The following TUT7 variants were observed in gnomAD, a reference collection of about 807,000 sequenced individuals.
TUT7 encodes terminal uridylyltransferase 7.
In TUT7, 33 loss-of-function variants were observed where a neutral mutation model predicts 165.9. That is an observed-to-expected ratio of 0.20 (90% CI 0.15 to 0.27). The LOEUF (loss-of-function observed/expected upper bound fraction) is 0.27. Among genes scored for constraint, TUT7 ranks in the 10% least tolerant of loss-of-function variants. The pLI is 1.00. For missense variants in TUT7, 1,338 were observed against 1,762.3 expected (o/e 0.76, Z 4.31); for synonymous variants, 552 against 608.1 (o/e 0.91, Z 1.36).
intron 3 of TUT7, 66 bp downstream of exon 3, chr9:86,346,232 CA>C: frequency 6.7e-7 from 1 of 1,490,528 alleles, no homozygotes; most frequent in Middle Eastern, 1.9e-4. Flanking sequence ...CATGCATACT[CA>C]ATTAACAACA....
chr9:86,325,953 A>G (rs1367995387), intron 11 of TUT7, among the ~76,000 whole-genome samples: 12 of 152,230 alleles, frequency 7.9e-5, no homozygotes, highest in African/African-American at 1.2e-4. Context: ...CACTCCTCTC[A>G]CTGCCCTGAG....
rs1827067557 is a variant in TUT7 at position 86,302,795 on chromosome 9, G to A, written c.4094+291C>T. The stretch of plus-strand genomic sequence containing the variant: ...CCATGCTTGGCTAATTTTTAGTAGA[G>A]ATGAGGTTTCACCATGTGGGTCAGG... On this transcript the variant is annotated intron_variant, in intron 25 of 26. Transcript: ENST00000375963. Among the ~76,000 whole-genome samples, 4 of 149,746 alleles carry A rather than the reference G, an allele frequency of 2.7e-5. 1 individual carries two copies. The highest frequency in any genetic ancestry group is 9.9e-5 in the African/African-American group (4 of 40,562).
intron 17 of TUT7, among the ~76,000 whole-genome samples, 163 bp from the exon 18 acceptor site, chr9:86,310,972 AAG>A (rs1229904892): frequency 2.8e-4 from 42 of 152,230 alleles, no homozygotes; most frequent in African/African-American, 1.0e-3. Context: ...AACATCTGGG[AAG>A]ATTAGTCTGG....
intron 24 of TUT7, among the ~76,000 whole-genome samples, chr9:86,304,654 C>G (rs1431527213): frequency 6.6e-6 from 1 of 151,982 alleles, no homozygotes; most frequent in South Asian, 2.1e-4. Context: ...AATCCAACTT[C>G]TTACTATTTC....
chr9:86,316,714 G>A (rs539569117), intron 17 of TUT7, among the ~76,000 whole-genome samples: 3 of 151,792 alleles, frequency 2.0e-5, no homozygotes, highest in Non-Finnish European at 4.4e-5. Context: ...TCATACTTAC[G>A]CATACAAGAT....
chr9:86,326,324 C>T (rs1829795876), intron 11 of TUT7: 1 of 154,544 alleles, frequency 6.5e-6, no homozygotes, highest in African/African-American at 2.4e-5. Flanking sequence ...TATAATCTGT[C>T]TAAGTCTGGG....
intron 10 of TUT7, among the ~76,000 whole-genome samples, chr9:86,331,540 G>A (rs1164823271): frequency 6.6e-6 from 1 of 151,996 alleles, no homozygotes; most frequent in Non-Finnish European, 1.5e-5. Flanking sequence ...AAACATTTAC[G>A]ATTGTTTTGT....
intron 6 of TUT7, 55 bp from the exon 7 acceptor site, chr9:86,341,108 T>A: frequency 6.8e-7 from 1 of 1,478,470 alleles, no homozygotes; most frequent in African/African-American, 1.4e-5. Context: ...TTTGCTTCAC[T>A]GATATAAGAG....
chr9:86,337,880 G>A (rs1830957763), intron 9 of TUT7, among the ~76,000 whole-genome samples: 1 of 152,130 alleles, frequency 6.6e-6, no homozygotes, highest in African/African-American at 2.4e-5. Context: ...CGATTGTTCA[G>A]TTACACATTA....
At chr9:86,350,127 C>T (rs372347548) in intron 2 of TUT7, among the ~76,000 whole-genome samples, 4 of 152,164 alleles carry the variant, frequency 2.6e-5, no homozygotes, top group Admixed American at 6.5e-5. Flanking sequence ...GTCAGGGTAT[C>T]GAGACTACCC....
At chr9:86,298,440 G>A (rs1230944360) in intron 26 of TUT7, among the ~76,000 whole-genome samples, 2 of 152,200 alleles carry the variant, frequency 1.3e-5, no homozygotes, top group African/African-American at 4.8e-5. Context: ...ATACTCTCCA[G>A]GAGGAGAAAA....
chr9:86,305,336 T>C, intron 22 of TUT7, 97 bp from the exon 23 acceptor site: 1 of 813,050 alleles, frequency 1.2e-6, no homozygotes, highest in Non-Finnish European at 1.9e-6. Flanking sequence ...AAGAATATCA[T>C]CTACTTTGCT....
At position 86,352,815 on chromosome 9, in the gene TUT7, T is replaced by C; in HGVS notation, c.385A>G (p.Arg129Gly). The C allele has an allele frequency of 1.2e-6, 2 of 1,614,210 alleles. No homozygotes were observed. Among genetic ancestry groups the C allele is most frequent in the Non-Finnish European group, 1.7e-6 (2 of 1,180,026 alleles). ...TCATTTTCTTGAAAGGAGTCTTTTC[T>C]TTGTCGGTTTATAACAGGAATTCTA... ...GPRIPVINRQRKDSFQENEDG... is the reference protein window; with the variant it reads ...GPRIPVINRQGKDSFQENEDG... Residue 129 changes from arginine to glycine, a missense_variant, in exon 2 of 27, where the codon AGA (arginine) becomes GGA (glycine). Arg to Gly is a moderately radical substitution (Grantham distance 125, BLOSUM62 -2). This residue lies in a region of TUT7 where 434 missense variants were observed against 480.8 expected (regional missense o/e 0.90). Transcript: ENST00000375963.
chr9:86,328,369 G>C lies in TUT7; in HGVS notation c.1579C>G (p.Pro527Ala), dbSNP rs780663287. 6.2e-7 allele frequency: 1 copy of C among 1,604,556 alleles called. No homozygotes were observed. The highest frequency in any genetic ancestry group is 8.5e-7 in the Non-Finnish European group (1 of 1,175,860). The change falls in exon 11 of 27, where the codon CCA (proline) becomes GCA (alanine). Residue 527 changes from proline to alanine, a missense_variant. Physicochemically the swap from Pro to Ala is conservative, Grantham distance 27. Transcript: ENST00000375963. ...GDTGITKEEAPRETPIKRGQV... is the reference protein window; with the variant it reads ...GDTGITKEEAARETPIKRGQV... ...CCCCTTTTAATCGGCGTTTCTCTTGGTGCCTCTTCTTTTGTTATGCCTGTG... is the reference window on the plus strand; with the variant it reads ...CCCCTTTTAATCGGCGTTTCTCTTGCTGCCTCTTCTTTTGTTATGCCTGTG...
At chr9:86,344,094 ATATG>A (rs1831550301) in intron 5 of TUT7, among the ~76,000 whole-genome samples, 1 of 152,232 alleles carries the variant, frequency 6.6e-6, no homozygotes, top group Non-Finnish European at 1.5e-5. Context: ...TACAAATACT[ATATG>A]TATGATCTTT....
At chr9:86,307,899 CAGG>C (rs1827659734) in intron 22 of TUT7, among the ~76,000 whole-genome samples, 1 of 152,046 alleles carries the variant, frequency 6.6e-6, no homozygotes, top group Non-Finnish European at 1.5e-5. Flanking sequence ...GTGGCTGAGG[CAGG>C]AGAATTGCTT....
chr9:86,345,541 C>T (rs1354608162), intron 4 of TUT7, 128 bp downstream of exon 4: 1 of 712,112 alleles, frequency 1.4e-6, no homozygotes, highest in East Asian at 2.6e-5. Flanking sequence ...TATTTTGGCT[C>T]AAATATATTC....
At chr9:86,322,059 G>C (rs1587934409) in intron 14 of TUT7, among the ~76,000 whole-genome samples, 1 of 152,004 alleles carries the variant, frequency 6.6e-6, no homozygotes, top group Non-Finnish European at 1.5e-5. Context: ...CTGGGTGACA[G>C]AATGAGATCC....
At position 86,345,674 on chromosome 9, in the gene TUT7, T is replaced by G; in HGVS notation, c.814A>C (p.Ile272Leu). 1 of 1,606,986 alleles carries G rather than the reference T, an allele frequency of 6.2e-7. No individual in the cohort carries two copies. Among genetic ancestry groups the G allele is most frequent in the Non-Finnish European group, 8.5e-7 (1 of 1,174,232 alleles). The stretch of plus-strand genomic sequence containing the variant: ...TTGGGTTACATTCAATTTACCTTAA[T>G]GTTTTTCTTGTGCCTCTTTTCCTTG... ...HIKEKRHKKNIKEKQEEELLT... is the reference protein window; with the variant it reads ...HIKEKRHKKNLKEKQEEELLT... The change falls in exon 4 of 27, where the codon ATT (isoleucine) becomes CTT (leucine). Residue 272 changes from isoleucine to leucine, a missense_variant. Ile to Leu is a conservative substitution (Grantham distance 5). Transcript: ENST00000375963.
Sources: allele counts gnomAD v4.1 joint callset (sites outside exome capture counted in the v4.1 genomes callset), GRCh38; gene constraint gnomAD v4.1.1; regional missense constraint gnomAD v4.1.1; transcripts MANE v1.5; gene names NCBI Gene and HGNC (gene_info 2026-07-23, HGNC 2026-07-21).